The following VRK2 variants were observed in gnomAD, a reference collection of about 807,000 sequenced individuals.
VRK2 encodes VRK serine/threonine kinase 2.
VRK2 carries 60 observed loss-of-function variants against 57.6 expected under a neutral mutation model. The ratio of observed to expected loss-of-function variants is 1.04; its 90% confidence interval spans 0.85 to 1.29. The LOEUF (loss-of-function observed/expected upper bound fraction) is 1.29. Among genes scored for constraint, VRK2 ranks in the 50% most tolerant of loss-of-function variants. The probability of loss-of-function intolerance (pLI) is 0.00; values close to 1 mark genes in which losing one functional copy is unlikely to be tolerated. For synonymous variants in VRK2, 231 were observed against 199.2 expected, an observed-to-expected ratio of 1.16 and a Z score of -1.35; for missense variants, 705 against 588.1, an observed-to-expected ratio of 1.20 and a Z score of -2.06.
At chr2:57,978,128 G>A (rs1215442880) in intron 1 of VRK2, among the ~76,000 whole-genome samples, 2 of 150,684 alleles carry the variant, frequency 1.3e-5, no homozygotes, top group Non-Finnish European at 2.9e-5. Flanking sequence ...AATAATGTAT[G>A]TTACAAAAAA....
chr2:58,056,224 T>C (rs998383827), intron 2 of VRK2, among the ~76,000 whole-genome samples: 1 of 152,148 alleles, frequency 6.6e-6, no homozygotes. Flanking sequence ...TTATAGCCGT[T>C]GCTTTTGCTT....
At chr2:58,010,952 T>C (rs1673399762) in intron 1 of VRK2, among the ~76,000 whole-genome samples, 1 of 152,174 alleles carries the variant, frequency 6.6e-6, no homozygotes, top group Admixed American at 6.5e-5. Flanking sequence ...ACAACCTTAC[T>C]TTTTAGTACA....
At chr2:57,967,719 G>C (rs1426205710) in intron 1 of VRK2, among the ~76,000 whole-genome samples, 1 of 152,140 alleles carries the variant, frequency 6.6e-6, no homozygotes, top group Non-Finnish European at 1.5e-5. Context: ...ATAAGAAGGA[G>C]ACGTGGGATA....
intron 9 of VRK2, 67 bp downstream of exon 9, chr2:58,131,995 A>C: frequency 6.3e-7 from 1 of 1,582,560 alleles, no homozygotes; most frequent in Non-Finnish European, 8.6e-7. Flanking sequence ...AAGGGAGCTA[A>C]CAACACAGAG....
At chr2:57,926,998 T>TTTTGTGTGTGTGTGTG (rs1553361860) in intron 1 of VRK2, among the ~76,000 whole-genome samples, 1 of 142,758 alleles carries the variant, frequency 7.0e-6, no homozygotes, top group Non-Finnish European at 1.5e-5. Context: ...TTTTAATTTC[T>TTTTGTGTGTGTGTGTG]TGTGTGTGTG....
rs549507958 is a variant in VRK2 at position 58,079,039 on chromosome 2, T to C, written c.137-5050T>C. 2.0e-5 allele frequency among the ~76,000 whole-genome samples: 3 copies of C among 152,238 alleles called. No individual in the cohort carries two copies. The South Asian group carries it at 6.2e-4, about 32-fold the overall frequency. ...TTATAGGAGTTATTTATATATTCTGTATATTTACCTCTTAGGTGATTTGCA... is the reference window on the plus strand; with the variant it reads ...TTATAGGAGTTATTTATATATTCTGCATATTTACCTCTTAGGTGATTTGCA... On this transcript the variant is annotated intron_variant, in intron 2 of 12. Coordinates refer to ENST00000340157, the MANE Select transcript of VRK2 (RefSeq NM_006296.7).
At position 57,967,368 on chromosome 2, in the gene VRK2, T is replaced by TATA. The variant is rs750621854; in HGVS notation, c.-438-58280_-438-58278dup. Among the ~76,000 whole-genome samples the TATA allele has an allele frequency of 1.1e-3, 166 of 151,274 alleles. 1 individual carries two copies. The highest frequency in any genetic ancestry group is 3.7e-3 in the African/African-American group (152 of 41,320). On this transcript the variant is annotated intron_variant, in intron 1 of 15. Coordinates refer to the VRK2 transcript ENST00000417641. ...TGCACATGTACCCCAGAACTTAAAG[T>TATA]ATAATAATAATAATAATAAGATAGA...
chr2:58,079,176 G>A (rs925555069), intron 2 of VRK2, among the ~76,000 whole-genome samples: 3 of 152,094 alleles, frequency 2.0e-5, no homozygotes, highest in Non-Finnish European at 4.4e-5. Flanking sequence ...TCATAGAAAT[G>A]ATATTTTGCT....
At chr2:57,946,992 CCATCTTAATTATATTT>C (rs1167529727) in intron 1 of VRK2, among the ~76,000 whole-genome samples, 4 of 151,974 alleles carry the variant, frequency 2.6e-5, no homozygotes, top group African/African-American at 9.7e-5. Context: ...AATTTTTTGT[CCATCTTAATTATATTT>C]CACTGATGAG....
chr2:58,038,341 G>GT (rs1674339736), intron 3 of VRK2, among the ~76,000 whole-genome samples: 2 of 152,104 alleles, frequency 1.3e-5, no homozygotes, highest in African/African-American at 4.8e-5. Flanking sequence ...ATGCTAAACT[G>GT]TAAGTCAATT....
chr2:57,921,325 C>G (rs1670341378), intron 1 of VRK2, among the ~76,000 whole-genome samples: 2 of 151,674 alleles, frequency 1.3e-5, no homozygotes, highest in Admixed American at 1.3e-4. Context: ...CACACACACA[C>G]ATTTTTAATC....
At chr2:57,940,572 C>T (rs1671060753) in intron 1 of VRK2, among the ~76,000 whole-genome samples, 2 of 152,064 alleles carry the variant, frequency 1.3e-5, no homozygotes, top group Admixed American at 6.6e-5. Flanking sequence ...AGAAAGAGCA[C>T]TGTCCACACT....
intron 1 of VRK2, among the ~76,000 whole-genome samples, chr2:57,942,184 T>G (rs183670797): frequency 4.6e-5 from 7 of 152,304 alleles, no homozygotes; most frequent in Admixed American, 1.3e-4. Flanking sequence ...TTCCTAGTTT[T>G]TAATAAATAA....
upstream of VRK2, among the ~76,000 whole-genome samples, chr2:58,042,441 A>G (rs1674497793): frequency 6.6e-6 from 1 of 152,202 alleles, no homozygotes; most frequent in Non-Finnish European, 1.5e-5. Flanking sequence ...TGATTTTTAC[A>G]GAACAAAAAT....
chr2:58,069,886 G>T (rs1464664819), intron 2 of VRK2, among the ~76,000 whole-genome samples: 2 of 152,098 alleles, frequency 1.3e-5, no homozygotes, highest in African/African-American at 4.8e-5. Context: ...TCTGACCGAA[G>T]GATACCAGAG....
chr2:58,025,202 A>G (rs1457100923), intron 1 of VRK2, among the ~76,000 whole-genome samples: 2 of 152,224 alleles, frequency 1.3e-5, no homozygotes, highest in South Asian at 2.1e-4. Flanking sequence ...GCAGATAACT[A>G]AACTGCTCAG....
chr2:58,062,392 TGAAA>T (rs1677482215), intron 2 of VRK2, among the ~76,000 whole-genome samples: 2 of 152,024 alleles, frequency 1.3e-5, no homozygotes, highest in Non-Finnish European at 1.5e-5. Flanking sequence ...AGTATTCAAG[TGAAA>T]GAAAGAGTTA....
chr2:58,106,427 TA>T (rs1425188615), intron 7 of VRK2, among the ~76,000 whole-genome samples: 1 of 152,020 alleles, frequency 6.6e-6, no homozygotes, highest in African/African-American at 2.4e-5. Context: ...AAAATGCTAT[TA>T]TCATTTATAA....
intron 1 of VRK2, among the ~76,000 whole-genome samples, chr2:57,939,236 C>T (rs1011520079): frequency 1.3e-5 from 2 of 152,186 alleles, no homozygotes; most frequent in African/African-American, 4.8e-5. Flanking sequence ...CTTTTATTAT[C>T]AAGTGTTCAT....
Sources: gnomAD v4.1 joint callset for allele counts (sites outside exome capture counted in the v4.1 genomes callset) on GRCh38, gnomAD v4.1.1 for gene constraint, MANE v1.5 for transcripts, NCBI Gene and HGNC (gene_info 2026-07-23, HGNC 2026-07-21) for gene names.